Variants in FOXP2 observed in about 807,000 individuals in gnomAD.
FOXP2 encodes the protein forkhead box protein P2.
FOXP2 carries 12 observed loss-of-function variants against 115.8 expected under a neutral mutation model. The observed-to-expected ratio is 0.10, with a 90% CI of 0.07 to 0.17. FOXP2 has a LOEUF of 0.17. FOXP2 is among the 10% of genes least tolerant of loss of function. The pLI, the probability that FOXP2 is intolerant of heterozygous loss-of-function variation, is 1.00. For synonymous variants in FOXP2, 328 were observed against 297.7 expected (o/e 1.10, Z -1.05); for missense variants, 629 against 843.5 (o/e 0.75, Z 3.15).
At chr7:114,469,552 C>T (rs920012881) in intron 2 of FOXP2, among the ~76,000 whole-genome samples, 12 of 152,010 alleles carry the variant, frequency 7.9e-5, no homozygotes, top group Non-Finnish European at 1.3e-4. Flanking sequence ...AGAAAATATC[C>T]GTGACTATGT....
At chr7:114,352,269 G>GA (rs921759071) in intron 2 of FOXP2, among the ~76,000 whole-genome samples, 2 of 151,110 alleles carry the variant, frequency 1.3e-5, no homozygotes, top group African/African-American at 2.4e-5. Flanking sequence ...CCTCTCTGAA[G>GA]AAAAAAAAGA....
chr7:114,491,286 T>C (rs2129243914), intron 2 of FOXP2, among the ~76,000 whole-genome samples: 1 of 152,384 alleles, frequency 6.6e-6, no homozygotes, highest in African/African-American at 2.4e-5. Flanking sequence ...ATGTGTCTTT[T>C]GGCTGCATAA....
At chr7:114,375,335 G>C in intron 2 of FOXP2, among the ~76,000 whole-genome samples, 1 of 152,096 alleles carries the variant, frequency 6.6e-6, no homozygotes, top group East Asian at 1.9e-4. Flanking sequence ...TTAGAGACTG[G>C]GCTCTGGAGC....
chr7:114,423,764 A>C (rs1793718753), intron 1 of FOXP2, among the ~76,000 whole-genome samples: 1 of 151,598 alleles, frequency 6.6e-6, no homozygotes, highest in Non-Finnish European at 1.5e-5. Context: ...CTATATTGGG[A>C]AATAAGTGGA....
chr7:114,319,132 T>C (rs887789755), intron 2 of FOXP2, among the ~76,000 whole-genome samples: 1 of 133,948 alleles, frequency 7.5e-6, no homozygotes, highest in Non-Finnish European at 1.6e-5. Context: ...AATGGGCTAA[T>C]GCCTATTTGT....
At chr7:114,483,724 A>C (rs1480139040) in intron 2 of FOXP2, among the ~76,000 whole-genome samples, 2 of 151,810 alleles carry the variant, frequency 1.3e-5, no homozygotes, top group Non-Finnish European at 3.0e-5. Flanking sequence ...TTGACATCAA[A>C]GACTGTGTCC....
At chr7:114,324,182 T>TA (rs953397189) in intron 2 of FOXP2, among the ~76,000 whole-genome samples, 24 of 151,982 alleles carry the variant, frequency 1.6e-4, no homozygotes, top group African/African-American at 3.6e-4. Flanking sequence ...GCTTTTATTT[T>TA]AAAAAAATAT....
chr7:114,489,383 G>T (rs1317560565), intron 2 of FOXP2, among the ~76,000 whole-genome samples: 1 of 152,094 alleles, frequency 6.6e-6, no homozygotes, highest in Non-Finnish European at 1.5e-5. Flanking sequence ...CTTGGAAATA[G>T]TCAATTCATC....
intron 1 of FOXP2, among the ~76,000 whole-genome samples, chr7:114,238,498 C>T (rs963551836): frequency 2.6e-5 from 4 of 152,168 alleles, no homozygotes; most frequent in East Asian, 1.9e-4. Context: ...AATGCCTTGG[C>T]GAAGTGGCTC....
chr7:114,426,896 A>G (rs986511002), intron 2 of FOXP2, among the ~76,000 whole-genome samples: 22 of 151,684 alleles, frequency 1.5e-4, no homozygotes, highest in Admixed American at 2.6e-4. Context: ...GTGTCAGGAT[A>G]TTAATTAAGC....
At chr7:114,550,504 G>T (rs1309773079) in intron 3 of FOXP2, among the ~76,000 whole-genome samples, 1 of 151,912 alleles carries the variant, frequency 6.6e-6, no homozygotes, top group East Asian at 1.9e-4. Flanking sequence ...CATTGCACAA[G>T]TCAAAAACAA....
chr7:114,328,976 C>CT (rs990671779), intron 2 of FOXP2, among the ~76,000 whole-genome samples: 9 of 152,120 alleles, frequency 5.9e-5, no homozygotes, highest in Non-Finnish European at 1.2e-4. Context: ...ACGAAGTTAT[C>CT]TTTTTTTGTG....
chr7:114,616,662 C>T (rs1432225030), intron 3 of FOXP2, among the ~76,000 whole-genome samples: 2 of 152,186 alleles, frequency 1.3e-5, no homozygotes. Context: ...GTTCTCTGCT[C>T]TTATTCTGCA....
At position 114,339,074 on chromosome 7, in the gene FOXP2, T is replaced by G. The variant is rs1204581531; in HGVS notation, c.-11+50965T>G. On this transcript the variant is annotated intron_variant, in intron 2 of 17. Transcript: ENST00000634411. ...AAATTGTAGCTTTTCCAGAAAAAAG[T>G]GTACTATTGAGACTGAGATGAAAGG... Among the ~76,000 whole-genome samples the G allele has an allele frequency of 2.6e-5, 4 of 151,072 alleles. No homozygotes were observed. In the East Asian group the frequency reaches 7.7e-4, roughly 29 times the overall value.
At chr7:114,252,600 C>T (rs1335212276) in intron 1 of FOXP2, among the ~76,000 whole-genome samples, 1 of 152,202 alleles carries the variant, frequency 6.6e-6, no homozygotes, top group Non-Finnish European at 1.5e-5. Context: ...ATAGCATTCT[C>T]TGATGTTAGT....
rs561487863 is a variant in FOXP2, at chr7:114,642,895, G to A, written c.989+272G>A. ...ACAATCTTGGCTCACTGCAAGCTCC[G>A]CCTCCCGGGTTCCTGCCATTCTCCT... On this transcript the variant is annotated intron_variant, in intron 7 of 16. Coordinates refer to ENST00000350908, the MANE Select transcript of FOXP2 (RefSeq NM_014491.4). 1.9e-3 allele frequency among the ~76,000 whole-genome samples: 276 copies of A among 142,398 alleles called. 2 individuals are homozygous for A. Among genetic ancestry groups the A allele is most frequent in the African/African-American group, 6.8e-3 (258 of 38,106 alleles). 93.4% of individuals were successfully genotyped at this position (142,398 alleles called of 152,430 possible).
At chr7:114,131,714 G>A (rs918541437) in intron 1 of FOXP2, among the ~76,000 whole-genome samples, 4 of 152,116 alleles carry the variant, frequency 2.6e-5, no homozygotes, top group African/African-American at 9.7e-5. Flanking sequence ...TCTGTTTTGA[G>A]ATCCTCAAAC....
intron 2 of FOXP2, among the ~76,000 whole-genome samples, chr7:114,377,233 T>C (rs1336019629): frequency 6.6e-6 from 1 of 152,158 alleles, no homozygotes; most frequent in Admixed American, 6.5e-5. Flanking sequence ...AAAACAAATA[T>C]AGAATGAGAA....
intron 2 of FOXP2, among the ~76,000 whole-genome samples, chr7:114,491,437 T>C (rs992721656): frequency 3.9e-5 from 6 of 152,052 alleles, no homozygotes; most frequent in Non-Finnish European, 7.4e-5. Flanking sequence ...TTGCAAAAAT[T>C]TTCTCCCATT....
Sources: gnomAD v4.1 joint callset for allele counts (sites outside exome capture counted in the v4.1 genomes callset) on GRCh38, gnomAD v4.1.1 for gene constraint, MANE v1.5 for transcripts, NCBI Gene and HGNC (gene_info 2026-07-23, HGNC 2026-07-21) for gene names.